SLC9B2: variants seen among roughly 807,000 people sequenced by gnomAD.
The protein encoded by SLC9B2 is sodium/hydrogen exchanger 9B2.
A neutral mutation model predicts 52.2 loss-of-function variants in SLC9B2; 39 were observed. The ratio of observed to expected loss-of-function variants is 0.75; its 90% CI spans 0.58 to 0.98. SLC9B2 has a LOEUF of 0.98. SLC9B2 is among the 50% of genes least tolerant of loss of function. The pLI is 0.00. For missense variants in SLC9B2, 626 were observed against 637.5 expected, an observed-to-expected ratio of 0.98 and a Z score of 0.19; for synonymous variants, 214 against 227.0, an observed-to-expected ratio of 0.94 and a Z score of 0.51.
At chr4:103,042,433 T>C (rs1743722762) in intron 9 of SLC9B2, 1 of 152,078 alleles carries the variant, frequency 6.6e-6, no homozygotes, top group South Asian at 2.1e-4. Context: ...TGAACTTCCA[T>C]AATACATATA....
At chr4:103,038,929 A>G (rs761938580) in intron 9 of SLC9B2, among the ~76,000 whole-genome samples, 1 of 152,384 alleles carries the variant, frequency 6.6e-6, no homozygotes, top group East Asian at 1.9e-4. Flanking sequence ...GTATAAAATA[A>G]TATCAGAAAA....
At chr4:103,027,593 C>T (rs577242675) in intron 11 of SLC9B2, among the ~76,000 whole-genome samples, 1 of 152,166 alleles carries the variant, frequency 6.6e-6, no homozygotes, top group South Asian at 2.1e-4. Flanking sequence ...ATCCCTTATT[C>T]CACAGAGAAC....
chr4:103,036,600 T>C (rs570793576), intron 9 of SLC9B2, among the ~76,000 whole-genome samples: 1 of 141,060 alleles, frequency 7.1e-6, no homozygotes, highest in South Asian at 2.2e-4. Context: ...AGTCACAAAA[T>C]CTAAGACACT....
chr4:103,019,873 T>C, downstream of SLC9B2: 10 of 986,430 alleles, frequency 1.0e-5, no homozygotes, highest in Non-Finnish European at 1.2e-5. Context: ...CTTCTGAATA[T>C]TGACTCATCG....
At chr4:103,035,385 A>G (rs1743078193) in intron 9 of SLC9B2, among the ~76,000 whole-genome samples, 1 of 152,046 alleles carries the variant, frequency 6.6e-6, no homozygotes, top group African/African-American at 2.4e-5. Context: ...ATGTATCATT[A>G]ATGGGCATTT....
chr4:103,028,851 A>G lies in SLC9B2; in HGVS notation c.1288T>C (p.Leu430=), dbSNP rs1742448969. The G allele has an allele frequency of 1.9e-6, 3 of 1,606,656 alleles. No individual in the cohort carries two copies. Among genetic ancestry groups the G allele is most frequent in the Non-Finnish European group, 2.5e-6 (3 of 1,177,670 alleles). Residue 430 remains leucine (L), a synonymous_variant, in exon 11 of 12, where the codon TTG becomes CTG. Coordinates refer to ENST00000394785, the MANE Select transcript of SLC9B2 (RefSeq NM_178833.7). ...LCVATVGIAV[L]IRILTTFLMV... The stretch of plus-strand genomic sequence containing the variant: ...AGAAATGTAGTCAAAATTCGTATCA[A>G]TACTGCAATGCCTACGGTGGCAACA...
At chr4:103,053,054 G>C (rs1489074927) in intron 4 of SLC9B2, among the ~76,000 whole-genome samples, 2 of 151,876 alleles carry the variant, frequency 1.3e-5, no homozygotes, top group South Asian at 4.1e-4. Context: ...TTAAAATTTT[G>C]TATTATGAAA....
intron 3 of SLC9B2, 98 bp downstream of exon 3, chr4:103,066,229 A>G (rs556654066): frequency 1.2e-5 from 17 of 1,376,202 alleles, no homozygotes. Context: ...TATGTTTGGG[A>G]GAAGTGAACT....
intron 4 of SLC9B2, among the ~76,000 whole-genome samples, chr4:103,057,189 G>A (rs1271895094): frequency 6.7e-6 from 1 of 150,286 alleles, no homozygotes; most frequent in Non-Finnish European, 1.5e-5. Context: ...TAAAACATTA[G>A]GAAGTCTTCA....
Position 103,026,322 on chromosome 4 carries a change from A to G in SLC9B2, c.*48T>C, listed in dbSNP as rs1239067402. 1 of 1,484,416 alleles carries G rather than the reference A, an allele frequency of 6.7e-7. No individual in the cohort carries two copies. Among genetic ancestry groups the G allele is most frequent in the African/African-American group, 1.4e-5 (1 of 71,008 alleles). 92.0% of individuals were successfully genotyped at this position (1,484,416 alleles called of 1,614,324 possible). On this transcript the variant is annotated 3_prime_UTR_variant, in exon 12 of 12. Transcript: ENST00000394785. ...CATATTTCAATATGCATCTTGAAAA[A>G]AGTAGCAGCTTTCTAAACATTATGT...
chr4:103,057,992 T>C (rs1211174583), intron 3 of SLC9B2, 21 bp from the exon 4 acceptor site: 2 of 1,588,528 alleles, frequency 1.3e-6, no homozygotes, highest in African/African-American at 2.7e-5. Context: ...CCAGGAATAC[T>C]AGTTACTATC....
intron 3 of SLC9B2, among the ~76,000 whole-genome samples, chr4:103,059,554 C>A (rs987948255): frequency 1.3e-5 from 2 of 152,222 alleles, no homozygotes; most frequent in African/African-American, 4.8e-5. Context: ...CATGAAAAGT[C>A]AGCACTTCCA....
At position 103,026,504 on chromosome 4, in the gene SLC9B2, C is replaced by T. The variant is rs1742225507; in HGVS notation, c.1480G>A (p.Ala494Thr). Residue 494 changes from alanine to threonine, a missense_variant, in exon 12 of 12, where the codon GCA becomes ACA. Ala to Thr is a moderately conservative substitution (Grantham distance 58). Transcript: ENST00000394785. ...EDYGMDVLTV[A>T]FLSILITAPI... ...GCTGTGATGAGGATGGACAAAAATG[C>T]CACTGTCAACACATCCATTCCATAG... 2 of 1,613,780 alleles carry T rather than the reference C, an allele frequency of 1.2e-6. No individual in the cohort carries two copies. Among genetic ancestry groups the T allele is most frequent in the South Asian group, 2.2e-5 (2 of 91,084 alleles).
At chr4:103,027,079 T>G (rs987311322) in intron 11 of SLC9B2, among the ~76,000 whole-genome samples, 1 of 152,162 alleles carries the variant, frequency 6.6e-6, no homozygotes, top group African/African-American at 2.4e-5. Context: ...TGCCCTTGCA[T>G]GGGAACATAC....
In SLC9B2 at chr4:103,064,461, A is replaced by T. The variant is rs114200349; in HGVS notation, c.271+1866T>A. ...CTAAAACAGTTGTTCATATGGAAATAGTAAATAGAATGGTGATTACCAGGG... is the reference window on the plus strand; with the variant it reads ...CTAAAACAGTTGTTCATATGGAAATTGTAAATAGAATGGTGATTACCAGGG... On this transcript the variant is annotated intron_variant, in intron 3 of 11. Coordinates refer to ENST00000394785, the MANE Select transcript of SLC9B2 (RefSeq NM_178833.7). Among the ~76,000 whole-genome samples, 201 of 152,308 alleles carry T rather than the reference A, an allele frequency of 1.3e-3. 1 individual carries two copies. The highest frequency in any genetic ancestry group is 4.7e-3 in the African/African-American group (197 of 41,574).
At chr4:103,060,015 A>G (rs1376936195) in intron 3 of SLC9B2, among the ~76,000 whole-genome samples, 1 of 152,048 alleles carries the variant, frequency 6.6e-6, no homozygotes, top group Admixed American at 6.6e-5. Context: ...TCAGCTTTTT[A>G]AAGGAATTCT....
chr4:103,029,401 T>C (rs1452519182), intron 10 of SLC9B2, among the ~76,000 whole-genome samples: 1 of 152,062 alleles, frequency 6.6e-6, no homozygotes, highest in Non-Finnish European at 1.5e-5. Flanking sequence ...AAAAAGTCAA[T>C]AATTCTTTAC....
intron 3 of SLC9B2, among the ~76,000 whole-genome samples, chr4:103,063,540 C>T (rs1020841604): frequency 2.0e-5 from 3 of 152,004 alleles, no homozygotes; most frequent in Non-Finnish European, 4.4e-5. Context: ...TTGAAATTGC[C>T]TTTAAATTTT....
At position 103,026,602 on chromosome 4, in the gene SLC9B2, T is replaced by G; in HGVS notation, c.1393-11A>C. On this transcript the variant is annotated splice_polypyrimidine_tract_variant and intron_variant, in intron 11 of 11. Transcript: ENST00000394785. The stretch of plus-strand genomic sequence containing the variant: ...AGATCCTATTGCAGCCTATAAAAGT[T>G]TAAGGGTAAAAATGGAATCATGATA... 1.3e-6 allele frequency: 2 copies of G among 1,597,722 alleles called. No homozygotes were observed. The highest frequency in any genetic ancestry group is 1.7e-6 in the Non-Finnish European group (2 of 1,170,456).
Sources: gnomAD v4.1 joint callset for allele counts (sites outside exome capture counted in the v4.1 genomes callset) on GRCh38, gnomAD v4.1.1 for gene constraint, MANE v1.5 for transcripts, NCBI Gene and HGNC (gene_info 2026-07-23, HGNC 2026-07-21) for gene names.